Variants in GXYLT2 observed in about 807,000 individuals in gnomAD.
GXYLT2 encodes glucoside xylosyltransferase 2, also known as glycosyltransferase 8 domain containing 4.
Under a neutral mutation model 45.8 loss-of-function variants are expected in GXYLT2, and 53 were observed. The ratio of observed to expected loss-of-function variants is 1.16; its 90% CI spans 0.93 to 1.46. GXYLT2 has a LOEUF of 1.46. Among genes scored for constraint, GXYLT2 ranks in the 40% most tolerant of loss-of-function variants. The probability of loss-of-function intolerance (pLI) is 0.00; values close to 1 mark genes in which losing one functional copy is unlikely to be tolerated. For synonymous variants in GXYLT2, 219 were observed against 214.2 expected (o/e 1.02, Z -0.19); for missense variants, 551 against 544.4 (o/e 1.01, Z -0.12).
chr3:72,901,831 G>T (rs959488807), intron 1 of GXYLT2, among the ~76,000 whole-genome samples: 1 of 151,816 alleles, frequency 6.6e-6, no homozygotes, highest in Non-Finnish European at 1.5e-5. Flanking sequence ...AAAGTGCTGG[G>T]ATTACAGGGG....
chr3:72,968,541 T>G (rs1710917336), intron 6 of GXYLT2, among the ~76,000 whole-genome samples: 1 of 152,206 alleles, frequency 6.6e-6, no homozygotes, highest in Non-Finnish European at 1.5e-5. Flanking sequence ...GACTCCCCAG[T>G]CTTCCATTTT....
intron 2 of GXYLT2, among the ~76,000 whole-genome samples, chr3:72,916,334 A>C (rs1344758257): frequency 6.6e-6 from 1 of 151,440 alleles, no homozygotes; most frequent in East Asian, 1.9e-4. Flanking sequence ...AAAGAAAAGA[A>C]AAACACCTTA....
chr3:72,895,144 G>T (rs1214858192), intron 1 of GXYLT2, among the ~76,000 whole-genome samples: 2 of 152,172 alleles, frequency 1.3e-5, no homozygotes, highest in Non-Finnish European at 2.9e-5. Flanking sequence ...CTGTATTTCT[G>T]CCAGTGGAGA....
At chr3:72,920,665 C>T (rs1709815347) in intron 2 of GXYLT2, among the ~76,000 whole-genome samples, 1 of 151,956 alleles carries the variant, frequency 6.6e-6, no homozygotes, top group African/African-American at 2.4e-5. Context: ...AATATATACT[C>T]ATTGTAAAAA....
In GXYLT2 at chr3:72,957,235, A is replaced by T; in HGVS notation, c.859A>T (p.Met287Leu). ...ATGGTTTTCTTTTTTCCAGAACAGC[A>T]TGATTCCAACAGGCCTGGCTTGGGA... ...RIRSTQFKNS[M>L]IPTGLAWEDM... Residue 287 changes from methionine to leucine, a missense_variant, in exon 5 of 7, where the codon ATG becomes TTG. Physicochemically the swap from Met to Leu is conservative, Grantham distance 15 (BLOSUM62 2). Coordinates refer to ENST00000389617, the MANE Select transcript of GXYLT2 (RefSeq NM_001080393.2). 6.2e-7 allele frequency: 1 copy of T among 1,611,500 alleles called. No homozygotes were observed. The highest frequency in any genetic ancestry group is 8.5e-7 in the Non-Finnish European group (1 of 1,179,098).
At chr3:72,950,376 G>A (rs1369041336) in intron 3 of GXYLT2, among the ~76,000 whole-genome samples, 5 of 152,086 alleles carry the variant, frequency 3.3e-5, no homozygotes, top group East Asian at 1.9e-4. Context: ...CAGGAGAATC[G>A]CTTGAACCCA....
At chr3:72,950,692 T>C (rs957505907) in intron 3 of GXYLT2, among the ~76,000 whole-genome samples, 2 of 152,054 alleles carry the variant, frequency 1.3e-5, no homozygotes, top group East Asian at 3.9e-4. Context: ...GAAATGGAAT[T>C]TGAACGTAGG....
chr3:72,951,648 T>G (rs1710527940), intron 3 of GXYLT2, among the ~76,000 whole-genome samples: 1 of 152,208 alleles, frequency 6.6e-6, no homozygotes, highest in African/African-American at 2.4e-5. Flanking sequence ...TTCTCTGAGA[T>G]GTACCCTTAG....
At chr3:72,947,223 C>A (rs1710428307) in intron 3 of GXYLT2, among the ~76,000 whole-genome samples, 1 of 152,024 alleles carries the variant, frequency 6.6e-6, no homozygotes, top group Non-Finnish European at 1.5e-5. Context: ...AAGATAGAAA[C>A]AAATATTTAA....
intron 1 of GXYLT2, among the ~76,000 whole-genome samples, chr3:72,903,597 A>C (rs1029968241): frequency 6.6e-6 from 1 of 152,206 alleles, no homozygotes; most frequent in Non-Finnish European, 1.5e-5. Flanking sequence ...GCAAAATAAC[A>C]AACACTGCAG....
At chr3:72,946,167 C>T (rs1331054368) in intron 3 of GXYLT2, among the ~76,000 whole-genome samples, 1 of 149,402 alleles carries the variant, frequency 6.7e-6, no homozygotes, top group Non-Finnish European at 1.5e-5. Flanking sequence ...GTCCCAGCTA[C>T]TGGAGAGGCT....
intron 3 of GXYLT2, among the ~76,000 whole-genome samples, chr3:72,942,707 T>C (rs1710323832): frequency 6.6e-6 from 1 of 151,886 alleles, no homozygotes; most frequent in Non-Finnish European, 1.5e-5. Flanking sequence ...TTGAGGGACT[T>C]TGTTCTAAAT....
chr3:72,910,027 T>C (rs946545809), intron 2 of GXYLT2, among the ~76,000 whole-genome samples: 5 of 152,150 alleles, frequency 3.3e-5, no homozygotes, highest in African/African-American at 1.2e-4. Flanking sequence ...GGCTTTGGAA[T>C]TGATTGGAAA....
At chr3:72,930,174 C>CA (rs5850088) in intron 3 of GXYLT2, among the ~76,000 whole-genome samples, 76,845 of 147,430 alleles carry the variant, frequency 0.52, 21,545 homozygotes, top group Non-Finnish European at 0.62. Context: ...CTCAAAAAAA[C>CA]AAAAAAAAAA....
chr3:72,932,348 G>A (rs763912932), intron 3 of GXYLT2, among the ~76,000 whole-genome samples: 1 of 152,170 alleles, frequency 6.6e-6, no homozygotes, highest in Non-Finnish European at 1.5e-5. Context: ...ATGAGCCACC[G>A]TACGTGGCCC....
At chr3:72,934,525 C>T (rs1292288220) in intron 3 of GXYLT2, among the ~76,000 whole-genome samples, 1 of 152,004 alleles carries the variant, frequency 6.6e-6, no homozygotes, top group East Asian at 1.9e-4. Context: ...CAAAAAGACC[C>T]CCAAAGCCAA....
intron 1 of GXYLT2, chr3:72,908,083 A>G (rs1575781551): frequency 3.3e-6 from 1 of 299,546 alleles, no homozygotes; most frequent in East Asian, 6.2e-5. Context: ...ATGGGCCAGT[A>G]GGCAGCCAGC....
At chr3:72,903,772 T>C (rs1035629978) in intron 1 of GXYLT2, among the ~76,000 whole-genome samples, 21 of 152,226 alleles carry the variant, frequency 1.4e-4, no homozygotes, top group African/African-American at 5.1e-4. Context: ...ATAAATCAGG[T>C]GAATATGAGC....
At chr3:72,902,558 C>T (rs564967788) in intron 1 of GXYLT2, among the ~76,000 whole-genome samples, 3 of 152,182 alleles carry the variant, frequency 2.0e-5, no homozygotes, top group East Asian at 1.9e-4. Flanking sequence ...CAAGCTGAGC[C>T]GAGTGCAGTG....
Sources: allele counts gnomAD v4.1 joint callset (sites outside exome capture counted in the v4.1 genomes callset), GRCh38; gene constraint gnomAD v4.1.1; transcripts MANE v1.5; gene names NCBI Gene and HGNC (gene_info 2026-07-23, HGNC 2026-07-21).